NUDCD3: variants seen among roughly 807,000 people sequenced by gnomAD.
NUDCD3 encodes nudC domain-containing protein 3.
Under a neutral mutation model 39.7 loss-of-function variants are expected in NUDCD3, and 13 were observed. The observed-to-expected ratio is 0.33, with a 90% CI of 0.21 to 0.52. NUDCD3 has a LOEUF of 0.52. Ranked by LOEUF, NUDCD3 falls within the 20% of genes least tolerant of loss-of-function variation. The pLI, the probability that NUDCD3 is intolerant of heterozygous loss-of-function variation, is 0.96. For missense variants in NUDCD3, 453 were observed against 458.1 expected, an observed-to-expected ratio of 0.99 and a Z score of 0.10; for synonymous variants, 175 against 172.4, an observed-to-expected ratio of 1.02 and a Z score of -0.12.
chr7:44,385,845 G>A lies in NUDCD3; in HGVS notation c.*166C>T. 1 of 605,830 alleles carries A rather than the reference G, an allele frequency of 1.7e-6. No individual in the cohort carries two copies. Among genetic ancestry groups the A allele is most frequent in the South Asian group, 2.0e-5 (1 of 50,882 alleles). The allele number at this position is 605,830 out of a possible 1,614,324, so 37.5% of individuals were successfully genotyped here. ...CTGGCCCCGCACCTTCTCTGGAACAGTCTGGAGATGCAAGGTCAGGGTGGA... is the reference window on the plus strand; with the variant it reads ...CTGGCCCCGCACCTTCTCTGGAACAATCTGGAGATGCAAGGTCAGGGTGGA... On this transcript the variant is annotated 3_prime_UTR_variant, in exon 6 of 6. Coordinates refer to ENST00000355451, the MANE Select transcript of NUDCD3 (RefSeq NM_015332.4).
chr7:44,401,993 G>C (rs978008002), intron 4 of NUDCD3, among the ~76,000 whole-genome samples: 1 of 152,114 alleles, frequency 6.6e-6, no homozygotes, highest in African/African-American at 2.4e-5. Flanking sequence ...ACCCACAATG[G>C]GGACCCACAC....
At position 44,490,502 on chromosome 7, in the gene NUDCD3, G is replaced by A. The variant is rs754243160; in HGVS notation, c.99C>T (p.Phe33=). 5.7e-5 allele frequency: 92 copies of A among 1,610,732 alleles called. No individual in the cohort carries two copies. The highest frequency in any genetic ancestry group is 7.1e-5 in the Non-Finnish European group (84 of 1,178,764). The change falls in exon 1 of 6, where the codon TTC becomes TTT. Residue 33 remains phenylalanine, a synonymous_variant. Coordinates refer to ENST00000355451, the MANE Select transcript of NUDCD3 (RefSeq NM_015332.4). Reference sequence around the variant, plus strand: ...GATAGAAGTCTGTCTTGCGGTAGAGGAAGCCAAAGAGAACGCGCAGGAAAT... The same window carrying A: ...GATAGAAGTCTGTCTTGCGGTAGAGAAAGCCAAAGAGAACGCGCAGGAAAT... ...VQDFLRVLFG[F]LYRKTDFYRL...
intron 2 of NUDCD3, among the ~76,000 whole-genome samples, chr7:44,463,904 G>A (rs1288552561): frequency 6.6e-6 from 1 of 152,030 alleles, no homozygotes; most frequent in Non-Finnish European, 1.5e-5. Context: ...TTCACAAGCA[G>A]TATGAGGGAC....
chr7:44,450,707 G>A (rs1224507066), intron 2 of NUDCD3, among the ~76,000 whole-genome samples: 1 of 152,028 alleles, frequency 6.6e-6, no homozygotes, highest in African/African-American at 2.4e-5. Flanking sequence ...CATGCTAGTG[G>A]GGATGTAAAG....
At chr7:44,478,491 T>G (rs1374608274) in intron 2 of NUDCD3, among the ~76,000 whole-genome samples, 2 of 152,074 alleles carry the variant, frequency 1.3e-5, no homozygotes, top group African/African-American at 4.8e-5. Flanking sequence ...AGGTGGAAGT[T>G]GCAGTAAGCC....
chr7:44,477,817 C>G (rs1336335011), intron 2 of NUDCD3, among the ~76,000 whole-genome samples: 1 of 140,650 alleles, frequency 7.1e-6, no homozygotes, highest in Non-Finnish European at 1.6e-5. Context: ...TTACTATGAA[C>G]AATTCTTTTT....
At chr7:44,434,479 C>T (rs547631055) in intron 2 of NUDCD3, among the ~76,000 whole-genome samples, 83 of 152,314 alleles carry the variant, frequency 5.4e-4, no homozygotes, top group Non-Finnish European at 1.1e-3. Flanking sequence ...CACTGAGGTT[C>T]CCCTACCCGC....
In NUDCD3 at chr7:44,456,867, G is replaced by A. The variant is rs977048462; in HGVS notation, c.509+28101C>T. Among the ~76,000 whole-genome samples the A allele has an allele frequency of 2.6e-5, 4 of 151,906 alleles. 1 individual carries two copies. In the South Asian group the frequency reaches 8.3e-4, roughly 31 times the overall value. On this transcript the variant is annotated intron_variant, in intron 2 of 5. Coordinates refer to ENST00000355451, the MANE Select transcript of NUDCD3 (RefSeq NM_015332.4). ...TTAAGTTCTACAGATTCAAACTATCGATCAAACATAAAGATAGAAAAAAAG... is the reference window on the plus strand; with the variant it reads ...TTAAGTTCTACAGATTCAAACTATCAATCAAACATAAAGATAGAAAAAAAG...
intron 2 of NUDCD3, among the ~76,000 whole-genome samples, chr7:44,450,130 C>T (rs535108806): frequency 6.6e-6 from 1 of 151,578 alleles, no homozygotes; most frequent in South Asian, 2.1e-4. Flanking sequence ...TAGGGAACTG[C>T]AAATTCAAAC....
intron 2 of NUDCD3, among the ~76,000 whole-genome samples, chr7:44,454,329 ACT>A (rs898289471): frequency 1.1e-3 from 173 of 152,066 alleles, no homozygotes; most frequent in African/African-American, 3.9e-3. Flanking sequence ...ACGGAGTGAG[ACT>A]CTGTCTCAAA....
At chr7:44,398,773 G>A (rs1371083690) in intron 4 of NUDCD3, among the ~76,000 whole-genome samples, 3 of 152,156 alleles carry the variant, frequency 2.0e-5, no homozygotes, top group African/African-American at 2.4e-5. Flanking sequence ...GAATGTTGTG[G>A]GACGTTCCTT....
rs1316967733 is a variant in NUDCD3 at position 44,427,626 on chromosome 7, T to C, written c.587A>G (p.Tyr196Cys). The change falls in exon 3 of 6, where the codon TAT becomes TGT. Residue 196 changes from tyrosine (Y) to cysteine (C), a missense_variant. Coordinates refer to ENST00000355451, the MANE Select transcript of NUDCD3 (RefSeq NM_015332.4). ...TGGCACCCTGACCTCCAGGTCAGTA[T>C]AGTCCTGTGACCAGGTGTAGTTCTC... Reference protein sequence around the residue: ...VRENYTWSQDYTDLEVRVPVP... With the variant: ...VRENYTWSQDCTDLEVRVPVP... 3.7e-6 allele frequency: 6 copies of C among 1,613,992 alleles called. No homozygotes were observed. Among genetic ancestry groups the C allele is most frequent in the Admixed American group, 1.7e-5 (1 of 59,998 alleles).
chr7:44,392,256 G>A, intron 5 of NUDCD3, 41 bp downstream of exon 5: 1 of 1,580,414 alleles, frequency 6.3e-7, no homozygotes, highest in Non-Finnish European at 8.6e-7. Flanking sequence ...ACCAGCACAA[G>A]GGCCTAAAGG....
chr7:44,462,989 G>A (rs917073642), intron 2 of NUDCD3, among the ~76,000 whole-genome samples: 348 of 123,644 alleles, frequency 2.8e-3, no homozygotes, highest in Middle Eastern at 0.017. Flanking sequence ...GTGTGTGTGT[G>A]TATACACAAA....
chr7:44,388,923 A>G (rs1316727160), intron 5 of NUDCD3, among the ~76,000 whole-genome samples: 1 of 152,256 alleles, frequency 6.6e-6, no homozygotes, highest in Non-Finnish European at 1.5e-5. Context: ...ACTGGACCAC[A>G]GCATCTTCAA....
chr7:44,391,186 AT>A (rs1300112251), intron 5 of NUDCD3, among the ~76,000 whole-genome samples: 2 of 152,174 alleles, frequency 1.3e-5, no homozygotes, highest in Non-Finnish European at 2.9e-5. Flanking sequence ...AACAAACTGT[AT>A]TTTCAGGGGT....
In NUDCD3 at chr7:44,433,752, C is replaced by T. The variant is rs550260796; in HGVS notation, c.510-6049G>A. ...CACACCTGGATGGCAGCCATGGCTG[C>T]GTCTCTTCTCAGTTTCTTCACATGC... On this transcript the variant is annotated intron_variant, in intron 2 of 5. Transcript: ENST00000355451. 5.3e-5 allele frequency among the ~76,000 whole-genome samples: 8 copies of T among 152,270 alleles called. No homozygotes were observed. The East Asian group carries it at 7.7e-4, about 15-fold the overall frequency.
intron 2 of NUDCD3, chr7:44,468,299 G>A (rs776147968): frequency 3.6e-5 from 53 of 1,476,638 alleles, no homozygotes; most frequent in Non-Finnish European, 4.8e-5. Context: ...CGAAGAAAAT[G>A]AGTAGACAGC....
chr7:44,467,849 T>G, intron 2 of NUDCD3: 1 of 1,351,062 alleles, frequency 7.4e-7, no homozygotes, highest in Non-Finnish European at 1.0e-6. Context: ...AAAGGCTCTC[T>G]TCCTCGGCGC....
Sources: allele counts gnomAD v4.1 joint callset (sites outside exome capture counted in the v4.1 genomes callset), GRCh38; gene constraint gnomAD v4.1.1; transcripts MANE v1.5; gene names NCBI Gene and HGNC (gene_info 2026-07-23, HGNC 2026-07-21).